EPHA5: variants seen among roughly 807,000 people sequenced by gnomAD.
The protein encoded by EPHA5 is ephrin type-A receptor 5.
A neutral mutation model predicts 105.0 loss-of-function variants in EPHA5; 60 were observed. That is an observed-to-expected ratio of 0.57 (90% CI 0.46 to 0.71). The LOEUF is 0.71. Among genes scored for constraint, EPHA5 ranks in the 30% least tolerant of loss-of-function variants. The pLI is 0.00. For synonymous variants in EPHA5, 513 were observed against 449.1 expected, an observed-to-expected ratio of 1.14 and a Z score of -1.80; for missense variants, 1,218 against 1,274.7, an observed-to-expected ratio of 0.96 and a Z score of 0.68.
chr4:65,609,435 T>C (rs1433644300), intron 2 of EPHA5, among the ~76,000 whole-genome samples: 2 of 152,264 alleles, frequency 1.3e-5, no homozygotes, highest in African/African-American at 4.8e-5. Flanking sequence ...GATTACTTTA[T>C]TGCCTGTGGA....
chr4:65,469,084 C>T (rs542716281), intron 5 of EPHA5, among the ~76,000 whole-genome samples: 3 of 152,108 alleles, frequency 2.0e-5, no homozygotes, highest in African/African-American at 7.2e-5. Context: ...TCCTTTCCTT[C>T]TGGATGATGT....
intron 1 of EPHA5, among the ~76,000 whole-genome samples, chr4:65,648,671 A>C (rs192890222): frequency 3.9e-4 from 59 of 152,348 alleles, no homozygotes; most frequent in Admixed American, 1.0e-3. Flanking sequence ...ATTGAGTCAA[A>C]GTCACATTGC....
At chr4:65,661,458 T>G (rs1248375753) in intron 1 of EPHA5, among the ~76,000 whole-genome samples, 1 of 152,170 alleles carries the variant, frequency 6.6e-6, no homozygotes, top group Non-Finnish European at 1.5e-5. Context: ...GTGGTTAAAA[T>G]CCTTCAAACA....
At chr4:65,439,591 CA>C (rs1335012580) in intron 5 of EPHA5, among the ~76,000 whole-genome samples, 1 of 151,968 alleles carries the variant, frequency 6.6e-6, no homozygotes, top group Non-Finnish European at 1.5e-5. Context: ...GACATAAAAG[CA>C]TTTGAGTTAA....
At chr4:65,377,044 C>T (rs1408098032) in intron 8 of EPHA5, 3 of 1,609,170 alleles carry the variant, frequency 1.9e-6, no homozygotes, top group Admixed American at 1.7e-5. Flanking sequence ...GAAGCCCTCC[C>T]ACAGCCACAT....
chr4:65,602,895 C>T (rs1025093160), intron 2 of EPHA5, among the ~76,000 whole-genome samples: 1 of 152,066 alleles, frequency 6.6e-6, no homozygotes, highest in South Asian at 2.1e-4. Flanking sequence ...CTTTATTTCA[C>T]TGAACCCATC....
chr4:65,643,636 C>A (rs534731242), intron 1 of EPHA5, among the ~76,000 whole-genome samples: 98 of 150,806 alleles, frequency 6.5e-4, no homozygotes, highest in Non-Finnish European at 1.3e-3. Context: ...ACAATCACAG[C>A]AAAATTCTCT....
At chr4:65,645,993 A>G (rs1478080890) in intron 1 of EPHA5, among the ~76,000 whole-genome samples, 1 of 152,190 alleles carries the variant, frequency 6.6e-6, no homozygotes, top group African/African-American at 2.4e-5. Flanking sequence ...GCATATTATT[A>G]TATTATGATT....
At chr4:65,350,976 T>C (rs754706217) in intron 13 of EPHA5, among the ~76,000 whole-genome samples, 9 of 151,806 alleles carry the variant, frequency 5.9e-5, no homozygotes, top group Non-Finnish European at 8.8e-5. Flanking sequence ...TACCCAATAA[T>C]ATTATACATG....
intron 8 of EPHA5, among the ~76,000 whole-genome samples, chr4:65,372,906 C>T (rs1342967660): frequency 6.6e-6 from 1 of 151,792 alleles, no homozygotes; most frequent in African/African-American, 2.4e-5. Context: ...TTTAGAATAG[C>T]TATAATAGGA....
chr4:65,433,462 T>C (rs1196205666), intron 5 of EPHA5, among the ~76,000 whole-genome samples: 1 of 152,190 alleles, frequency 6.6e-6, no homozygotes, highest in Admixed American at 6.5e-5. Context: ...AAATGTTATG[T>C]TGGCCATAGA....
chr4:65,377,320 A>G (rs73822128), intron 8 of EPHA5, among the ~76,000 whole-genome samples: 1,729 of 152,116 alleles, frequency 0.011, 36 homozygotes, highest in African/African-American at 0.039. Context: ...GTCATGAGCC[A>G]ATATATTCGA....
chr4:65,369,068 T>C (rs1199730589), intron 8 of EPHA5, among the ~76,000 whole-genome samples: 1 of 152,182 alleles, frequency 6.6e-6, no homozygotes, highest in African/African-American at 2.4e-5. Context: ...GCTTCCTTAC[T>C]GCTTTTTAGC....
At chr4:65,520,282 A>T (rs1407755721) in intron 3 of EPHA5, among the ~76,000 whole-genome samples, 1 of 152,196 alleles carries the variant, frequency 6.6e-6, no homozygotes, top group Non-Finnish European at 1.5e-5. Context: ...TGGGGAAAGG[A>T]TTCCCTATTC....
chr4:65,334,807 G>GT (rs200508592), intron 15 of EPHA5, among the ~76,000 whole-genome samples: 2,624 of 131,024 alleles, frequency 0.02, 68 homozygotes, highest in African/African-American at 0.068. Flanking sequence ...TAGAACATAA[G>GT]TTTTTTTTTA....
chr4:65,538,470 T>A (rs1181624515), intron 3 of EPHA5, among the ~76,000 whole-genome samples: 1 of 151,826 alleles, frequency 6.6e-6, no homozygotes, highest in African/African-American at 2.4e-5. Context: ...ATTCCAAAAG[T>A]CATCGTGCCT....
At chr4:65,507,862 A>G (rs1163316849) in intron 3 of EPHA5, among the ~76,000 whole-genome samples, 1 of 152,096 alleles carries the variant, frequency 6.6e-6, no homozygotes, top group African/African-American at 2.4e-5. Context: ...TGACAAAAAT[A>G]TTAGTATTTG....
intron 2 of EPHA5, among the ~76,000 whole-genome samples, chr4:65,635,060 G>A (rs76722328): frequency 6.6e-6 from 1 of 152,136 alleles, no homozygotes; most frequent in South Asian, 2.1e-4. Flanking sequence ...TGATTCAGGA[G>A]AAAACACATA....
intron 5 of EPHA5, among the ~76,000 whole-genome samples, chr4:65,447,303 T>C (rs1176237024): frequency 6.6e-6 from 1 of 152,002 alleles, no homozygotes; most frequent in Non-Finnish European, 1.5e-5. Flanking sequence ...CACTTAGATA[T>C]TCCACATACC....
Sources: allele counts gnomAD v4.1 joint callset (sites outside exome capture counted in the v4.1 genomes callset), GRCh38; gene constraint gnomAD v4.1.1; transcripts MANE v1.5; gene names NCBI Gene and HGNC (gene_info 2026-07-23, HGNC 2026-07-21).